RAD51B: variants seen among roughly 807,000 people sequenced by gnomAD.
RAD51B encodes RAD51 paralog B.
A neutral mutation model predicts 42.2 loss-of-function variants in RAD51B; 38 were observed. The ratio of observed to expected loss-of-function variants is 0.90; its 90% CI spans 0.70 to 1.18. The LOEUF (loss-of-function observed/expected upper bound fraction) is 1.18, where lower values mean the gene tolerates loss of function less well. Among genes scored for constraint, RAD51B ranks in the 50% most tolerant of loss-of-function variants. The pLI, the probability that RAD51B is intolerant of heterozygous loss-of-function variation, is 0.00. For synonymous variants in RAD51B, 154 were observed against 145.2 expected (o/e 1.06, Z -0.43); for missense variants, 373 against 400.7 (o/e 0.93, Z 0.59).
chr14:68,284,244 C>T lies in RAD51B; in HGVS notation c.757-7640C>T, dbSNP rs538119820. On this transcript the variant is annotated intron_variant, in intron 7 of 10. Coordinates refer to ENST00000471583, the MANE Select transcript of RAD51B (RefSeq NM_133510.4). ...CACAAATTATTTCAAGTTGCTCCTT[C>T]ATCCCCTTTTCCTTGGCCACTGCCA... Among the ~76,000 whole-genome samples the T allele has an allele frequency of 1.2e-3, 187 of 152,354 alleles. 2 individuals carry two copies. Among genetic ancestry groups the T allele is most frequent in the African/African-American group, 4.4e-3 (182 of 41,590 alleles).
At chr14:68,510,388 G>C (rs556898688) in intron 10 of RAD51B, among the ~76,000 whole-genome samples, 1 of 152,258 alleles carries the variant, frequency 6.6e-6, no homozygotes, top group African/African-American at 2.4e-5. Flanking sequence ...GGCTGGGGGC[G>C]GGGGAGTGGC....
chr14:67,927,961 T>A (rs915551305), intron 7 of RAD51B, among the ~76,000 whole-genome samples: 1 of 151,620 alleles, frequency 6.6e-6, no homozygotes, highest in Non-Finnish European at 1.5e-5. Context: ...TTGGTCTGTA[T>A]TTTTTTTGTT....
downstream of RAD51B, among the ~76,000 whole-genome samples, chr14:68,596,518 C>A (rs116449896): frequency 7.7e-3 from 1,173 of 152,218 alleles, 9 homozygotes; most frequent in African/African-American, 0.027. Flanking sequence ...TTGGGAAGAG[C>A]AAAACTAAGG....
rs2082809396 is a variant in RAD51B, at chr14:68,352,410, G to GA, written c.854-59011dup. On this transcript the variant is annotated intron_variant, in intron 8 of 10. Transcript: ENST00000471583. ...ACCAGGCCACCCCCTTGCCCACATAGAAACATGTCTGCTAACTCTTCCACC... is the reference window on the plus strand; with the variant it reads ...ACCAGGCCACCCCCTTGCCCACATAGAAAACATGTCTGCTAACTCTTCCACC... Among the ~76,000 whole-genome samples, 5 of 152,302 alleles carry GA rather than the reference G, an allele frequency of 3.3e-5. No individual in the cohort carries two copies. The South Asian group carries it at 8.3e-4, about 25-fold the overall frequency.
At chr14:68,310,511 C>A (rs1256427087) in intron 8 of RAD51B, among the ~76,000 whole-genome samples, 1 of 152,118 alleles carries the variant, frequency 6.6e-6, no homozygotes, top group African/African-American at 2.4e-5. Context: ...GGTATGAGTG[C>A]TTGATGCAGG....
Position 68,636,668 on chromosome 14 carries a change from C to T in RAD51B, c.1037-14113C>T, listed in dbSNP as rs542122529. On this transcript the variant is annotated intron_variant, in intron 10 of 11. Coordinates refer to the RAD51B transcript ENST00000488612. ...ATTGGAAAAGAACAGAGTTTGTGTT[C>T]GGAGGTTTGTATATGTGCTTGATGT... Among the ~76,000 whole-genome samples the T allele has an allele frequency of 1.3e-4, 19 of 151,644 alleles. No homozygotes were observed. The South Asian group carries it at 1.5e-3, about 12-fold the overall frequency.
chr14:67,943,656 GCTTTT>G (rs2045283730), intron 7 of RAD51B, among the ~76,000 whole-genome samples: 1 of 152,072 alleles, frequency 6.6e-6, no homozygotes, highest in Non-Finnish European at 1.5e-5. Flanking sequence ...CAAGATGCTT[GCTTTT>G]ATTTGCATGG....
At position 67,965,601 on chromosome 14, in the gene RAD51B, A is replaced by G. The variant is rs117847051; in HGVS notation, c.756+78397A>G. On this transcript the variant is annotated intron_variant, in intron 7 of 10. Transcript: ENST00000471583. Reference sequence around the variant, plus strand: ...GGGTTTCAGAGTCTGGCTCTGATCTACTTATTCTCATCTCATTACCTGCCA... The same window carrying G: ...GGGTTTCAGAGTCTGGCTCTGATCTGCTTATTCTCATCTCATTACCTGCCA... Among the ~76,000 whole-genome samples, 195 of 152,102 alleles carry G rather than the reference A, an allele frequency of 1.3e-3. 2 individuals carry two copies. Among genetic ancestry groups the G allele is most frequent in the Admixed American group, 9.0e-3 (138 of 15,250 alleles).
At chr14:68,230,141 G>A (rs2080117965) in intron 7 of RAD51B, among the ~76,000 whole-genome samples, 1 of 152,170 alleles carries the variant, frequency 6.6e-6, no homozygotes, top group African/African-American at 2.4e-5. Context: ...TCAAATTGTA[G>A]GACAGTCTTA....
intron 7 of RAD51B, among the ~76,000 whole-genome samples, chr14:68,238,420 C>T (rs545102195): frequency 6.6e-6 from 1 of 152,120 alleles, no homozygotes; most frequent in African/African-American, 2.4e-5. Context: ...CTCACCTCAG[C>T]CTCCCAAGTA....
At chr14:68,540,359 GA>G (rs1286179275) in intron 10 of RAD51B, 43 of 1,051,020 alleles carry the variant, frequency 4.1e-5, no homozygotes, top group Non-Finnish European at 4.7e-5. Flanking sequence ...TGACAATTGA[GA>G]TAAGGTCCAC....
intron 7 of RAD51B, among the ~76,000 whole-genome samples, chr14:68,077,806 A>G (rs758365021): frequency 6.6e-6 from 1 of 152,140 alleles, no homozygotes; most frequent in Non-Finnish European, 1.5e-5. Flanking sequence ...AAGTAGAAAA[A>G]CTAGCCGGGT....
chr14:67,880,271 G>C (rs918555341), intron 5 of RAD51B, among the ~76,000 whole-genome samples: 2 of 152,142 alleles, frequency 1.3e-5, no homozygotes, highest in Non-Finnish European at 2.9e-5. Context: ...TTCTTGAAGT[G>C]TCGGGCTTAC....
intron 10 of RAD51B, among the ~76,000 whole-genome samples, chr14:68,594,324 G>A (rs537042132): frequency 5.9e-4 from 90 of 152,204 alleles, no homozygotes; most frequent in African/African-American, 2.0e-3. Context: ...TTCCCCACCC[G>A]CATTCTTTTG....
chr14:68,087,292 A>C (rs975331025), intron 7 of RAD51B, among the ~76,000 whole-genome samples: 1 of 152,108 alleles, frequency 6.6e-6, no homozygotes, highest in African/African-American at 2.4e-5. Flanking sequence ...CCTATGGATT[A>C]AGTTTGGGTT....
At chr14:68,605,953 C>T (rs368782767) in intron 10 of RAD51B, among the ~76,000 whole-genome samples, 24 of 152,268 alleles carry the variant, frequency 1.6e-4, no homozygotes, top group African/African-American at 5.1e-4. Context: ...CACCGTTTCC[C>T]GCCAGGGACA....
intron 7 of RAD51B, among the ~76,000 whole-genome samples, chr14:68,257,485 CAT>C (rs1209937135): frequency 6.6e-6 from 1 of 151,962 alleles, no homozygotes; most frequent in Admixed American, 6.6e-5. Context: ...TAAACTGTGA[CAT>C]GTGTAGTATA....
chr14:68,071,522 G>T (rs962864641), intron 7 of RAD51B, among the ~76,000 whole-genome samples: 1 of 152,012 alleles, frequency 6.6e-6, no homozygotes, highest in South Asian at 2.1e-4. Flanking sequence ...TAATCACGTG[G>T]CTTTTGCTTT....
At chr14:67,995,610 TC>T (rs2075368289) in intron 7 of RAD51B, among the ~76,000 whole-genome samples, 2 of 150,422 alleles carry the variant, frequency 1.3e-5, no homozygotes, top group Admixed American at 1.3e-4. Flanking sequence ...GATTTTATAT[TC>T]TTTTTTTTTT....
Sources: gnomAD v4.1 joint callset for allele counts (sites outside exome capture counted in the v4.1 genomes callset) on GRCh38, gnomAD v4.1.1 for gene constraint, MANE v1.5 for transcripts, NCBI Gene and HGNC (gene_info 2026-07-23, HGNC 2026-07-21) for gene names.